Variants in BAZ2B observed in about 807,000 individuals in gnomAD.
BAZ2B encodes bromodomain adjacent to zinc finger domain protein 2B.
BAZ2B carries 91 observed loss-of-function variants against 246.0 expected under a neutral mutation model. The observed-to-expected ratio is 0.37, with a 90% CI of 0.31 to 0.44. The LOEUF is 0.44. Among genes scored for constraint, BAZ2B ranks in the 20% least tolerant of loss-of-function variants. BAZ2B has a pLI of 1.00. For missense variants in BAZ2B, 2,332 were observed against 2,533.7 expected, an observed-to-expected ratio of 0.92 and a Z score of 1.71; for synonymous variants, 855 against 860.0, an observed-to-expected ratio of 0.99 and a Z score of 0.10.
intron 5 of BAZ2B, 86 bp downstream of exon 5, chr2:159,448,156 A>T: frequency 6.8e-7 from 1 of 1,473,938 alleles, no homozygotes; most frequent in South Asian, 1.3e-5. Flanking sequence ...AAAACAAAAA[A>T]CAAAAAAAGG....
At chr2:159,474,496 T>C (rs1340957386) in intron 3 of BAZ2B, among the ~76,000 whole-genome samples, 2 of 152,230 alleles carry the variant, frequency 1.3e-5, no homozygotes, top group African/African-American at 4.8e-5. Context: ...TCCATGGGTC[T>C]TGACTCTCTA....
chr2:159,467,303 C>A (rs538743623), intron 3 of BAZ2B, among the ~76,000 whole-genome samples: 5 of 152,144 alleles, frequency 3.3e-5, no homozygotes, highest in African/African-American at 1.2e-4. Context: ...TAATGACTCA[C>A]AAAACTCAAA....
At chr2:159,429,743 A>T (rs1333146880) in intron 10 of BAZ2B, among the ~76,000 whole-genome samples, 2 of 152,166 alleles carry the variant, frequency 1.3e-5, no homozygotes, top group African/African-American at 4.8e-5. Flanking sequence ...GCCACCAAGG[A>T]ACAGGATTAT....
At chr2:159,671,810 A>T in the BAZ2B span, among the ~76,000 whole-genome samples, 39 of 152,156 alleles carry the variant, frequency 2.6e-4, no homozygotes, top group Non-Finnish European at 5.3e-4. Flanking sequence ...CTTCTCATGG[A>T]TATATAATTT....
chr2:159,627,034 A>G, the BAZ2B span, among the ~76,000 whole-genome samples: 7 of 152,188 alleles, frequency 4.6e-5, no homozygotes, highest in African/African-American at 1.7e-4. Flanking sequence ...AGAACACTAT[A>G]AACACCTCTA....
At chr2:159,501,799 C>T (rs540770258) in intron 2 of BAZ2B, among the ~76,000 whole-genome samples, 2 of 152,250 alleles carry the variant, frequency 1.3e-5, no homozygotes, top group South Asian at 4.2e-4. Context: ...CAATTCAACT[C>T]TTAGGTAGAA....
chr2:159,524,135 C>T (rs1447633429), intron 2 of BAZ2B, among the ~76,000 whole-genome samples: 1 of 152,060 alleles, frequency 6.6e-6, no homozygotes, highest in African/African-American at 2.4e-5. Context: ...CCAGTATGTG[C>T]TCACACTGAG....
At chr2:159,524,232 C>T (rs2084472711) in intron 2 of BAZ2B, among the ~76,000 whole-genome samples, 1 of 151,804 alleles carries the variant, frequency 6.6e-6, no homozygotes, top group Non-Finnish European at 1.5e-5. Context: ...CCAGCCTGGG[C>T]AACACAGCAA....
intron 2 of BAZ2B, among the ~76,000 whole-genome samples, chr2:159,542,188 A>C (rs1470056206): frequency 6.6e-6 from 1 of 152,204 alleles, no homozygotes; most frequent in Non-Finnish European, 1.5e-5. Context: ...GGAACCTGTA[A>C]GACAACATTA....
rs764943316 is a variant in BAZ2B, at chr2:159,332,670, C to T, written c.5813G>A (p.Arg1938Gln). ...SIMKVYCQICRKGDNEELLLL... is the reference protein window; with the variant it reads ...SIMKVYCQICQKGDNEELLLL... ...AAGCAGTTCTTCATTATCTCCCTTT[C>T]GACAGATTTGGCAGTACTATAATAC... is the stretch of plus-strand genomic sequence containing the variant. Residue 1938 changes from arginine (R) to glutamine (Q), a missense_variant, in exon 34 of 37, where the codon CGA (arginine) becomes CAA (glutamine). Physicochemically the swap from Arg to Gln is conservative, Grantham distance 43. Around this residue, in one of 9 missense-constraint regions of BAZ2B, gnomAD observed 53 missense variants for 62.0 expected, o/e 0.86. Transcript: ENST00000392783. 29 of 1,613,762 alleles carry T rather than the reference C, an allele frequency of 1.8e-5. No homozygotes were observed. The highest frequency in any genetic ancestry group is 6.6e-5 in the South Asian group (6 of 91,072).
At chr2:159,674,736 T>C in the BAZ2B span, among the ~76,000 whole-genome samples, 2 of 144,930 alleles carry the variant, frequency 1.4e-5, no homozygotes, top group African/African-American at 2.5e-5. Context: ...AAAAAAAGAA[T>C]GGGGAAAACC....
chr2:159,569,001 TC>T (rs2151549184), intron 1 of BAZ2B, among the ~76,000 whole-genome samples: 2 of 146,600 alleles, frequency 1.4e-5, no homozygotes, highest in South Asian at 4.5e-4. Context: ...CTTGAAATGA[TC>T]TTTTTTTTCT....
intron 31 of BAZ2B, among the ~76,000 whole-genome samples, chr2:159,338,626 A>G (rs150794884): frequency 4.6e-5 from 7 of 152,090 alleles, no homozygotes; most frequent in Non-Finnish European, 1.0e-4. Context: ...AAGTACCTCA[A>G]TCTATCCCTT....
chr2:159,328,066 A>C (rs2063992755), intron 34 of BAZ2B, among the ~76,000 whole-genome samples: 1 of 48,830 alleles, frequency 2.0e-5, no homozygotes, highest in Non-Finnish European at 6.0e-5. Flanking sequence ...CTCAGCCTCA[A>C]AACGAAAAAA....
the BAZ2B span, among the ~76,000 whole-genome samples, chr2:159,686,914 T>A: frequency 1.3e-5 from 2 of 151,562 alleles, no homozygotes; most frequent in African/African-American, 4.8e-5. Flanking sequence ...TGGTGGCGGG[T>A]GCCTGTAGTC....
At position 159,337,085 on chromosome 2, in the gene BAZ2B, G is replaced by A; in HGVS notation, c.5661-8C>T. The A allele has an allele frequency of 6.2e-7, 1 of 1,603,922 alleles. No homozygotes were observed. On this transcript the variant is annotated splice_region_variant and splice_polypyrimidine_tract_variant and intron_variant, in intron 32 of 36. Coordinates refer to ENST00000392783, the MANE Select transcript of BAZ2B (RefSeq NM_013450.4). ...GCAATATCCTCTTCAATTCTGCATT[G>A]AAATATAGAAAAATTAAGTAGGTCA...
Position 159,400,598 on chromosome 2 carries a change from C to A in BAZ2B, c.2898+1G>T, listed in dbSNP as rs1407995331. ...AATTATATTAAATTTAAGACTTCTACCTCTAGAATTTGCTGAGCTCGAAGT... is the reference window on the plus strand; with the variant it reads ...AATTATATTAAATTTAAGACTTCTAACTCTAGAATTTGCTGAGCTCGAAGT... On this transcript the variant is annotated splice_donor_variant, in intron 17 of 36. Transcript: ENST00000392783. LOFTEE classifies it high-confidence loss of function. The A allele has an allele frequency of 6.5e-7, 1 of 1,540,356 alleles. No individual in the cohort carries two copies.
Position 159,447,336 on chromosome 2 carries a change from ATTATG to A in BAZ2B, c.503-366_503-362del, listed in dbSNP as rs558209100. ...AATTATTCACTTTAAGATGGTTAAT[ATTATG>A]TTAAGTGAATTTCACCTCAATTAAA... On this transcript the variant is annotated intron_variant, in intron 5 of 36. Transcript: ENST00000392783. 3.0e-3 allele frequency among the ~76,000 whole-genome samples: 459 copies of A among 152,340 alleles called. 1 individual carries two copies. Among genetic ancestry groups the A allele is most frequent in the Non-Finnish European group, 5.0e-3 (343 of 68,028 alleles).
chr2:159,403,786 G>T (rs1298258046), intron 16 of BAZ2B, among the ~76,000 whole-genome samples: 2 of 151,990 alleles, frequency 1.3e-5, no homozygotes, highest in Non-Finnish European at 2.9e-5. Flanking sequence ...CACTGCAGTA[G>T]GCACTTTATG....
Sources: allele counts gnomAD v4.1 joint callset (sites outside exome capture counted in the v4.1 genomes callset), GRCh38; gene constraint gnomAD v4.1.1; regional missense constraint gnomAD v4.1.1; transcripts MANE v1.5; gene names NCBI Gene and HGNC (gene_info 2026-07-23, HGNC 2026-07-21).